The following P4HA3 variants were observed in gnomAD, a reference collection of about 807,000 sequenced individuals.
P4HA3 encodes the protein prolyl 4-hydroxylase subunit alpha 3.
A neutral mutation model predicts 66.7 loss-of-function variants in P4HA3; 60 were observed. That is an observed-to-expected ratio of 0.90 (90% confidence interval 0.73 to 1.12). The LOEUF is 1.12. Ranked by LOEUF, P4HA3 falls within the 50% of genes most tolerant of loss-of-function variation. The probability of loss-of-function intolerance (pLI) is 0.00; values close to 1 mark genes in which losing one functional copy is unlikely to be tolerated. For synonymous variants in P4HA3, 263 were observed against 274.6 expected (o/e 0.96, Z 0.42); for missense variants, 683 against 685.8 (o/e 1.00, Z 0.05).
intron 1 of P4HA3, among the ~76,000 whole-genome samples, 181 bp from the exon 2 acceptor site, chr11:74,304,593 CA>C (rs1472379093): frequency 1.3e-5 from 2 of 152,066 alleles, no homozygotes; most frequent in African/African-American, 2.4e-5. Flanking sequence ...ATAGATACAA[CA>C]AAAGTAGGTC....
At chr11:74,253,766 C>T in intron 15 of P4HA3, 1 of 572,726 alleles carries the variant, frequency 1.7e-6, no homozygotes, top group Non-Finnish European at 3.1e-6. Context: ...TGGGGTAGCT[C>T]CTGCCTGCTC....
intron 3 of P4HA3, among the ~76,000 whole-genome samples, 166 bp from the exon 4 acceptor site, chr11:74,298,527 C>T (rs1861299499): frequency 1.3e-5 from 2 of 152,192 alleles, no homozygotes; most frequent in Admixed American, 1.3e-4. Context: ...ACGCATTGTA[C>T]TACGTGGAGA....
intron 14 of P4HA3, among the ~76,000 whole-genome samples, chr11:74,261,430 G>C (rs1389805930): frequency 6.6e-6 from 1 of 152,200 alleles, no homozygotes; most frequent in Non-Finnish European, 1.5e-5. Context: ...TGGGAAAACA[G>C]GTTCTTAATC....
In P4HA3 at chr11:74,274,838, C is replaced by A. The variant is rs7106985; in HGVS notation, c.1336-1231G>T. Among the ~76,000 whole-genome samples the A allele has an allele frequency of 4.3e-3, 650 of 152,308 alleles. 5 individuals carry two copies. The highest frequency in any genetic ancestry group is 0.015 in the African/African-American group (617 of 41,570). ...TATGAGAGCTTCAGTTCCTCCACAT[C>A]CTCACCACCACTTGGTATAATCTTA... On this transcript the variant is annotated intron_variant, in intron 9 of 12. Transcript: ENST00000331597.
chr11:74,305,316 T>C (rs1861547562), intron 1 of P4HA3, among the ~76,000 whole-genome samples: 1 of 152,182 alleles, frequency 6.6e-6, no homozygotes, highest in Non-Finnish European at 1.5e-5. Context: ...CTATTACTTA[T>C]TGAGCTCCTA....
Position 74,311,523 on chromosome 11 carries a change from G to A in P4HA3, c.89C>T (p.Thr30Met), listed in dbSNP as rs1489063579. 1.9e-6 allele frequency: 3 copies of A among 1,541,218 alleles called. No individual in the cohort carries two copies. Among genetic ancestry groups the A allele is most frequent in the African/African-American group, 1.4e-5 (1 of 71,460 alleles). ...DPERAAARGDTFSALTSVARA... is the reference protein window; with the variant it reads ...DPERAAARGDMFSALTSVARA... Reference sequence around the variant, plus strand: ...CGCCACGCTGGTCAGCGCCGAGAACGTGTCGCCCCGAGCCGCAGCCCTTTC... The same window carrying A: ...CGCCACGCTGGTCAGCGCCGAGAACATGTCGCCCCGAGCCGCAGCCCTTTC... Residue 30 changes from threonine (T) to methionine (M), a missense_variant, in exon 1 of 13, where the codon ACG (threonine) becomes ATG (methionine). By Grantham distance (81) the Thr-to-Met change is moderately conservative. Coordinates refer to ENST00000331597, the MANE Select transcript of P4HA3 (RefSeq NM_182904.5).
intron 10 of P4HA3, among the ~76,000 whole-genome samples, chr11:74,271,656 C>T (rs1480973664): frequency 6.6e-6 from 1 of 152,002 alleles, no homozygotes; most frequent in Non-Finnish European, 1.5e-5. Flanking sequence ...ACCACCGCAC[C>T]CAGATTGGGA....
In P4HA3 at chr11:74,306,871, C is replaced by G. The variant is rs113226328; in HGVS notation, c.201-2459G>C. 2.8e-3 allele frequency among the ~76,000 whole-genome samples: 431 copies of G among 152,268 alleles called. 5 individuals are homozygous for G. Among genetic ancestry groups the G allele is most frequent in the African/African-American group, 9.7e-3 (403 of 41,542 alleles). On this transcript the variant is annotated intron_variant, in intron 1 of 12. Coordinates refer to ENST00000331597, the MANE Select transcript of P4HA3 (RefSeq NM_182904.5). ...TCAAGTCCCAGGGTGTCTCTGATCC[C>G]AAAGACAAGGCAGTCTGTGAGCTGA... is the stretch of plus-strand genomic sequence containing the variant.
rs546703274 is a variant in P4HA3 at position 74,253,558 on chromosome 11, G to A, written c.*1319-5557C>T. 3.6e-5 allele frequency: 57 copies of A among 1,567,192 alleles called. No homozygotes were observed. In the African/African-American group the frequency reaches 4.7e-4, roughly 13 times the overall value. On this transcript the variant is annotated intron_variant and NMD_transcript_variant, in intron 15 of 15. Transcript: ENST00000524388. ...CAACATCGAGCTCTGTTGTAAATACGTCGCACCAGAGGCCACTGTGATGCC... is the reference window on the plus strand; with the variant it reads ...CAACATCGAGCTCTGTTGTAAATACATCGCACCAGAGGCCACTGTGATGCC...
At chr11:74,253,809 T>C in intron 15 of P4HA3, 1 of 530,398 alleles carries the variant, frequency 1.9e-6, no homozygotes, top group South Asian at 2.6e-5. Flanking sequence ...GCCTCCAGAT[T>C]TGCCATACTG....
chr11:74,289,204 T>TGA, intron 4 of P4HA3, 74 bp from the exon 5 acceptor site: 1 of 875,764 alleles, frequency 1.1e-6, no homozygotes, highest in Non-Finnish European at 1.6e-6. Context: ...ACCATTAAAT[T>TGA]AAAAAAAAAA....
chr11:74,287,024 T>C (rs1860824223), intron 5 of P4HA3: 1 of 951,376 alleles, frequency 1.1e-6, no homozygotes, highest in Non-Finnish European at 1.3e-6. Context: ...CAAAGAAGTA[T>C]GGCGCAGAGG....
Position 74,286,405 on chromosome 11 carries a change from G to C in P4HA3, c.770-14C>G. 1 of 1,516,314 alleles carries C rather than the reference G, an allele frequency of 6.6e-7. No individual in the cohort carries two copies. Among genetic ancestry groups the C allele is most frequent in the Non-Finnish European group, 8.8e-7 (1 of 1,133,428 alleles). The allele number at this position is 1,516,314 out of a possible 1,614,324, so 93.9% of individuals were successfully genotyped here. On this transcript the variant is annotated splice_polypyrimidine_tract_variant and intron_variant, in intron 5 of 12. Transcript: ENST00000331597. ...TATTATCTGGGCCTGGAAGAAATCA[G>C]AGCAGGGAATATAAAATAGGGATTA...
At chr11:74,276,786 A>C (rs1317616945) in intron 9 of P4HA3, among the ~76,000 whole-genome samples, 199 bp downstream of exon 9, 2 of 152,192 alleles carry the variant, frequency 1.3e-5, no homozygotes, top group African/African-American at 4.8e-5. Context: ...AAATTTTAGA[A>C]GGGAGATGGT....
At chr11:74,295,042 C>G (rs1232917631) in intron 4 of P4HA3, among the ~76,000 whole-genome samples, 2 of 152,190 alleles carry the variant, frequency 1.3e-5, no homozygotes, top group Non-Finnish European at 2.9e-5. Context: ...GGAGCTGTTC[C>G]TATTCGGCCA....
chr11:74,306,877 C>G (rs1285855175), intron 1 of P4HA3, among the ~76,000 whole-genome samples: 1 of 152,188 alleles, frequency 6.6e-6, no homozygotes, highest in East Asian at 1.9e-4. Context: ...ATCCCAAAGA[C>G]AAGGCAGTCT....
At chr11:74,286,598 C>T (rs1212569201) in intron 5 of P4HA3, among the ~76,000 whole-genome samples, 1 of 152,126 alleles carries the variant, frequency 6.6e-6, no homozygotes, top group East Asian at 1.9e-4. Context: ...TGACTTGATC[C>T]TGGTAGATCT....
chr11:74,302,714 T>A, intron 2 of P4HA3, 122 bp from the exon 3 acceptor site: 1 of 908,506 alleles, frequency 1.1e-6, no homozygotes, highest in Non-Finnish European at 1.6e-6. Flanking sequence ...TGTCTTTGTG[T>A]TCCCAGAGGC....
Position 74,309,943 on chromosome 11 carries a change from G to T in P4HA3, c.200+1469C>A, listed in dbSNP as rs1345557578. ...ATGGGGTCACAAAGTTTCGCACAGG[G>T]TGACAATGGGTTTGGGGGTCACACT... On this transcript the variant is annotated intron_variant, in intron 1 of 12. Transcript: ENST00000331597. Among the ~76,000 whole-genome samples the T allele has an allele frequency of 2.6e-5, 4 of 152,100 alleles. No individual in the cohort carries two copies. The East Asian group carries it at 7.7e-4, about 29-fold the overall frequency.
Sources: allele counts gnomAD v4.1 joint callset (sites outside exome capture counted in the v4.1 genomes callset), GRCh38; gene constraint gnomAD v4.1.1; transcripts MANE v1.5; gene names NCBI Gene and HGNC (gene_info 2026-07-23, HGNC 2026-07-21).